Variants in ICAM5 observed in about 807,000 individuals in gnomAD.
ICAM5 encodes intercellular adhesion molecule 5.
Under a neutral mutation model 78.8 loss-of-function variants are expected in ICAM5, and 38 were observed. The ratio of observed to expected loss-of-function variants is 0.48; its 90% confidence interval spans 0.37 to 0.63. The LOEUF (loss-of-function observed/expected upper bound fraction) is 0.63, where lower values mean the gene tolerates loss of function less well. ICAM5 is among the 30% of genes least tolerant of loss of function. ICAM5 has a pLI of 0.00. For synonymous variants in ICAM5, 544 were observed against 590.9 expected (o/e 0.92, Z 1.15); for missense variants, 1,059 against 1,303.0 (o/e 0.81, Z 2.88).
chr19:10,296,595 C>G lies in ICAM5; in HGVS notation c.2754C>G (p.Ala918=). The G allele has an allele frequency of 2.5e-6, 3 of 1,215,374 alleles. No individual in the cohort carries two copies. Among genetic ancestry groups the G allele is most frequent in the Non-Finnish European group, 3.1e-6 (3 of 971,566 alleles). 75.3% of individuals were successfully genotyped at this position (1,215,374 alleles called of 1,614,324 possible). A position where few individuals can be genotyped will look rare whatever the true frequency, so the allele number is the denominator to read the frequency against. ...CGCCGGCGGAGGGCGAGGTCTTCGC[C>G]ATACAGCTGACATCGGCGTGAGCCC... ...AESPAEGEVF[A]IQLTSA The change falls in exon 11 of 11, where the codon GCC becomes GCG. Residue 918 remains alanine (A), a synonymous_variant. Transcript: ENST00000221980.
Position 10,296,548 on chromosome 19 carries a change from G to A in ICAM5, c.2707G>A (p.Ala903Thr), listed in dbSNP as rs1192542724. The change falls in exon 11 of 11, where the codon GCG becomes ACG. Residue 903 changes from alanine (A) to threonine (T), a missense_variant. By Grantham distance (58) the Ala-to-Thr change is moderately conservative. Transcript: ENST00000221980. ...GGCAGGCGCGGAGGGCGGACCCGAG[G>A]CGGCGGGGGGCGCGGCCGAGTCGCC... Reference protein sequence around the residue: ...GAAGAEGGPEAAGGAAESPAE... With the variant: ...GAAGAEGGPETAGGAAESPAE... 4.1e-6 allele frequency: 5 copies of A among 1,220,764 alleles called. No homozygotes were observed. The Admixed American group carries it at 1.3e-4, about 32-fold the overall frequency. 75.6% of individuals were successfully genotyped at this position (1,220,764 alleles called of 1,614,324 possible). A position where few individuals can be genotyped will look rare whatever the true frequency, so the allele number is the denominator to read the frequency against.
chr19:10,292,447 G>A lies in ICAM5; in HGVS notation c.961+125G>A. ...GGCCCGAGGGGCGGGGCAGGTGGGG[G>A]CGGAGACGTAATCGCTGGGGAGGAG... On this transcript the variant is annotated intron_variant, in intron 4 of 10. Transcript: ENST00000221980. 3.7e-6 allele frequency: 5 copies of A among 1,364,384 alleles called. No individual in the cohort carries two copies. In the South Asian group the frequency reaches 5.6e-5, roughly 15 times the overall value. The allele number at this position is 1,364,384 out of a possible 1,614,324, so 84.5% of individuals were successfully genotyped here.
chr19:10,290,165 G>C lies in ICAM5; in HGVS notation c.82+40G>C. Reference sequence around the variant, plus strand: ...CTGGTTCGGGGTGGACAGGGCGGGGGCGGAGTCCCTGGACCTGAGAAACGG... The same window carrying C: ...CTGGTTCGGGGTGGACAGGGCGGGGCCGGAGTCCCTGGACCTGAGAAACGG... On this transcript the variant is annotated intron_variant, in intron 1 of 10. Coordinates refer to ENST00000221980, the MANE Select transcript of ICAM5 (RefSeq NM_003259.4). This position sits in a 1 kb window ranked among gnomAD's most constrained non-coding sequence, Gnocchi z 5.7. 7.0e-7 allele frequency: 1 copy of C among 1,427,412 alleles called. No homozygotes were observed. Among genetic ancestry groups the C allele is most frequent in the Middle Eastern group, 2.1e-4 (1 of 4,794 alleles). 88.4% of individuals were successfully genotyped at this position (1,427,412 alleles called of 1,614,324 possible).
Position 10,291,268 on chromosome 19 carries a change from G to A in ICAM5, c.279G>A (p.Pro93=). Residue 93 remains proline (P), a synonymous_variant, in exon 2 of 11, where the codon CCG becomes CCA. Coordinates refer to ENST00000221980, the MANE Select transcript of ICAM5 (RefSeq NM_003259.4). The stretch of plus-strand genomic sequence containing the variant: ...GGCAGCTGGTGGACATTCGCGAGCC[G>A]GAGACTCAGCCCGTCTGCTTCTTCC... ...LARQLVDIRE[P]ETQPVCFFRC... The A allele has an allele frequency of 1.2e-6, 2 of 1,612,618 alleles. No individual in the cohort carries two copies. The highest frequency in any genetic ancestry group is 2.2e-5 in the South Asian group (2 of 91,080).
intron 9 of ICAM5, 28 bp from the exon 10 acceptor site, chr19:10,295,318 G>A (rs757148302): frequency 6.7e-7 from 1 of 1,500,438 alleles, no homozygotes; most frequent in Admixed American, 2.2e-5. Context: ...CCGGCGCTAA[G>A]CCCCACTTCA....
rs1309263309 is a variant in ICAM5, at chr19:10,291,340, C to G, written c.351C>G (p.Phe117Leu). Reference protein sequence around the residue: ...TLQARGLIRTFQRPDRVELMP... With the variant: ...TLQARGLIRTLQRPDRVELMP... Reference sequence around the variant, plus strand: ...AGGCGCGTGGGCTCATTCGCACTTTCCGTGAGTTCTGGGTGGCCACGCGCG... The same window carrying G: ...AGGCGCGTGGGCTCATTCGCACTTTGCGTGAGTTCTGGGTGGCCACGCGCG... The change falls in exon 2 of 11, where the codon TTC (phenylalanine) becomes TTG (leucine). Residue 117 changes from phenylalanine to leucine, a missense_variant and splice_region_variant. Transcript: ENST00000221980. The G allele has an allele frequency of 1.2e-6, 2 of 1,607,266 alleles. No individual in the cohort carries two copies. The highest frequency in any genetic ancestry group is 2.2e-5 in the South Asian group (2 of 90,960).
rs2040183797 is a variant in ICAM5 at position 10,292,649 on chromosome 19, C to T, written c.999C>T (p.Ser333=). 4 of 1,597,408 alleles carry T rather than the reference C, an allele frequency of 2.5e-6. No homozygotes were observed. Among genetic ancestry groups the T allele is most frequent in the African/African-American group, 1.3e-5 (1 of 74,166 alleles). Residue 333 remains serine (S), a synonymous_variant, in exon 5 of 11, where the codon AGC becomes AGT. Transcript: ENST00000221980. ...PAPLLTLSEP[S]VSEGQMVTVT... ...CACTCCTGACCCTGAGCGAACCCAGCGTCTCCGAGGGGCAGATGGTGACAG... is the reference window on the plus strand; with the variant it reads ...CACTCCTGACCCTGAGCGAACCCAGTGTCTCCGAGGGGCAGATGGTGACAG...
rs751019923 is a variant in ICAM5 at position 10,292,986 on chromosome 19, C to T, written c.1217-12C>T. ...ACGTCTAAGCCTCTGTAACCCCACG[C>T]CCTGCCCGCAGACGCTCCCCGGCTA... is the stretch of plus-strand genomic sequence containing the variant. On this transcript the variant is annotated splice_polypyrimidine_tract_variant and intron_variant, in intron 5 of 10. Coordinates refer to ENST00000221980, the MANE Select transcript of ICAM5 (RefSeq NM_003259.4). 2 of 1,611,160 alleles carry T rather than the reference C, an allele frequency of 1.2e-6. No homozygotes were observed. The highest frequency in any genetic ancestry group is 1.7e-6 in the Non-Finnish European group (2 of 1,179,966).
rs1212439235 is a variant in ICAM5 at position 10,292,865 on chromosome 19, A to G, written c.1215A>G (p.Leu405=). ...ACAGGAGCGCAGAGCTTCGTGTCCT[A>G]TGTGAGTTGGTGATAACCCCTCGCC... ...IKNRSAELRV[L]YAPRLDDSDC... Residue 405 remains leucine (L), a splice_region_variant and synonymous_variant, in exon 5 of 11, where the codon CTA becomes CTG. Coordinates refer to ENST00000221980, the MANE Select transcript of ICAM5 (RefSeq NM_003259.4). The G allele has an allele frequency of 6.2e-7, 1 of 1,611,362 alleles. No individual in the cohort carries two copies. The highest frequency in any genetic ancestry group is 8.5e-7 in the Non-Finnish European group (1 of 1,178,874).
At position 10,293,098 on chromosome 19, in the gene ICAM5, C is replaced by CTCA. The variant is rs776658252; in HGVS notation, c.1318_1320dup (p.Ser440dup). On this transcript the variant is annotated inframe_insertion, in exon 6 of 11. Coordinates refer to ENST00000221980, the MANE Select transcript of ICAM5 (RefSeq NM_003259.4). The surrounding 1 kb of genome is among the most constrained non-coding windows in gnomAD (Gnocchi z 5.0). ...GCGAGGCCCGCGGGAACCCAGAACC[C>CTCA]TCAGTGCACTGTGCGCGCTCCGACG... 2 of 1,610,312 alleles carry CTCA rather than the reference C, an allele frequency of 1.2e-6. No homozygotes were observed. The highest frequency in any genetic ancestry group is 1.7e-6 in the Non-Finnish European group (2 of 1,179,310).
At position 10,291,079 on chromosome 19, in the gene ICAM5, G is replaced by T. The variant is rs376570687; in HGVS notation, c.90G>T (p.Ser30=). Residue 30 remains serine (S), a synonymous_variant, in exon 2 of 11, where the codon TCG becomes TCT. Transcript: ENST00000221980. ...CCGCGTTTCCCTGGGCAGCGGTCTC[G>T]CAGGAGCCCTTCTGGGCGGACCTGC... The part of the protein sequence containing the change: ...GLGLFGLSAV[S]QEPFWADLQP... 2.4e-5 allele frequency: 38 copies of T among 1,607,986 alleles called. No homozygotes were observed. The highest frequency in any genetic ancestry group is 4.0e-5 in the African/African-American group (3 of 74,822).
chr19:10,295,929 A>G (rs891291400), intron 10 of ICAM5, among the ~76,000 whole-genome samples: 10 of 152,194 alleles, frequency 6.6e-5, no homozygotes, highest in Non-Finnish European at 1.3e-4. Flanking sequence ...ACTGTGGGGA[A>G]GATTGGGGAG....
At chr19:10,296,086 T>A (rs1026947594) in intron 10 of ICAM5, among the ~76,000 whole-genome samples, 3 of 151,706 alleles carry the variant, frequency 2.0e-5, no homozygotes, top group African/African-American at 7.3e-5. Context: ...ATGGGGAGAG[T>A]TGACTTGTCG....
rs2040206381 is a variant in ICAM5, at chr19:10,294,664, G to A, written c.2230+24G>A. The A allele has an allele frequency of 7.4e-6, 12 of 1,612,302 alleles. No individual in the cohort carries two copies. The highest frequency in any genetic ancestry group is 1.0e-5 in the Non-Finnish European group (12 of 1,179,740). ...ATGTGAGTGGGGGCAGCACCGGATG[G>A]AGGGGACACGGTCCTCGGAAGAATG... On this transcript the variant is annotated intron_variant, in intron 9 of 10. Coordinates refer to ENST00000221980, the MANE Select transcript of ICAM5 (RefSeq NM_003259.4). The surrounding 1 kb of genome is among the most constrained non-coding windows in gnomAD (Gnocchi z 7.7).
rs906884206 is a variant in ICAM5, at chr19:10,294,713, A to C, written c.2230+73A>C. On this transcript the variant is annotated intron_variant, in intron 9 of 10. Coordinates refer to ENST00000221980, the MANE Select transcript of ICAM5 (RefSeq NM_003259.4). The surrounding 1 kb of genome is among the most constrained non-coding windows in gnomAD (Gnocchi z 7.7). The stretch of plus-strand genomic sequence containing the variant: ...TGACTCGCAGCGGTGGGAGCATTCA[A>C]GGGCACCTCTCCCAATCCCATTCTC... 3.1e-6 allele frequency: 5 copies of C among 1,596,306 alleles called. No individual in the cohort carries two copies.
At position 10,295,502 on chromosome 19, in the gene ICAM5, A is replaced by T; in HGVS notation, c.2387A>T (p.Asn796Ile). Residue 796 changes from asparagine (N) to isoleucine (I), a missense_variant, in exon 10 of 11, where the codon AAC (asparagine) becomes ATC (isoleucine). Asn to Ile is a moderately radical substitution (Grantham distance 149, BLOSUM62 -3). Coordinates refer to ENST00000221980, the MANE Select transcript of ICAM5 (RefSeq NM_003259.4). ...GALNIGLSSN[N>I]STLSVAGAMG... is the part of the protein sequence containing the mutation. ...CTCAACATCGGCCTGTCGAGCAACA[A>T]CAGCACACTGAGCGTGGCAGGCGCC... The T allele has an allele frequency of 6.4e-7, 1 of 1,567,508 alleles. No homozygotes were observed. The highest frequency in any genetic ancestry group is 8.6e-7 in the Non-Finnish European group (1 of 1,158,124).
In ICAM5 at chr19:10,291,823, GGGA is replaced by G. The variant is rs2040175637; in HGVS notation, c.673+19_673+21del. Reference sequence around the variant, plus strand: ...TCCGAACCTTCTGTGAGTGGGTGTGGGGAGGAGATGGGGACCCAGTGGGGTCGG... The same window carrying G: ...TCCGAACCTTCTGTGAGTGGGTGTGGGGAGATGGGGACCCAGTGGGGTCGG... On this transcript the variant is annotated intron_variant, in intron 3 of 10. Transcript: ENST00000221980. The G allele has an allele frequency of 1.2e-6, 2 of 1,602,914 alleles. No homozygotes were observed. Among genetic ancestry groups the G allele is most frequent in the Non-Finnish European group, 8.5e-7 (1 of 1,175,044 alleles).
Position 10,294,312 on chromosome 19 carries a change from G to A in ICAM5, c.1984G>A (p.Ala662Thr), listed in dbSNP as rs200000538. Reference sequence around the variant, plus strand: ...CGTGGCCAAAACAGTCGTCGTGAGCGCGGAGTGTGAGCGAGGCCCAGGCGG... The same window carrying A: ...CGTGGCCAAAACAGTCGTCGTGAGCACGGAGTGTGAGCGAGGCCCAGGCGG... Reference protein sequence around the residue: ...GSVAKTVVVSAESPPEMDEST... With the variant: ...GSVAKTVVVSTESPPEMDEST... The change falls in exon 8 of 11, where the codon GCG becomes ACG. Residue 662 changes from alanine to threonine, a missense_variant. This residue lies in a region of ICAM5 where 815 missense variants were observed against 952.8 expected (regional missense o/e 0.86). Transcript: ENST00000221980. The surrounding 1 kb of genome is among the most constrained non-coding windows in gnomAD (Gnocchi z 7.7). 9.9e-6 allele frequency: 16 copies of A among 1,612,644 alleles called. No individual in the cohort carries two copies. Among genetic ancestry groups the A allele is most frequent in the Non-Finnish European group, 1.4e-5 (16 of 1,179,624 alleles).
At position 10,291,343 on chromosome 19, in the gene ICAM5, T is replaced by G. The variant is rs1187631972; in HGVS notation, c.352+2T>G. On this transcript the variant is annotated splice_donor_variant, in intron 2 of 10. Transcript: ENST00000221980. LOFTEE classifies it high-confidence loss of function. ...CGCGTGGGCTCATTCGCACTTTCCGTGAGTTCTGGGTGGCCACGCGCGTAC... is the reference window on the plus strand; with the variant it reads ...CGCGTGGGCTCATTCGCACTTTCCGGGAGTTCTGGGTGGCCACGCGCGTAC... 4 of 1,606,996 alleles carry G rather than the reference T, an allele frequency of 2.5e-6. No homozygotes were observed. Among genetic ancestry groups the G allele is most frequent in the Non-Finnish European group, 3.4e-6 (4 of 1,175,554 alleles).
Sources: allele counts gnomAD v4.1 joint callset (sites outside exome capture counted in the v4.1 genomes callset), GRCh38; gene constraint gnomAD v4.1.1; regional missense constraint gnomAD v4.1.1; non-coding constraint Gnocchi (gnomAD v3.1); transcripts MANE v1.5; gene names NCBI Gene and HGNC (gene_info 2026-07-23, HGNC 2026-07-21).